Variants in GRID2 observed in about 807,000 individuals in gnomAD.
GRID2 encodes the protein glutamate ionotropic receptor delta type subunit 2, also known as glutamate receptor ionotropic, delta-2.
Under a neutral mutation model 114.8 loss-of-function variants are expected in GRID2, and 33 were observed. The ratio of observed to expected loss-of-function variants is 0.29; its 90% CI spans 0.22 to 0.38. The LOEUF is 0.38. GRID2 is among the 10% of genes least tolerant of loss of function. The pLI is 1.00. For missense variants in GRID2, 1,184 were observed against 1,257.7 expected (o/e 0.94, Z 0.89); for synonymous variants, 505 against 449.9 (o/e 1.12, Z -1.55).
chr4:93,322,837 A>G (rs1560497922), intron 8 of GRID2, among the ~76,000 whole-genome samples: 5 of 152,158 alleles, frequency 3.3e-5, no homozygotes, highest in Admixed American at 6.6e-5. Flanking sequence ...GGCTGCATAA[A>G]TGTCTTCTTT....
Position 92,593,929 on chromosome 4 carries a change from GA to G in GRID2, c.244+3653del, listed in dbSNP as rs536259659. Among the ~76,000 whole-genome samples, 347 of 137,086 alleles carry G rather than the reference GA, an allele frequency of 2.5e-3. 1 individual carries two copies. Among genetic ancestry groups the G allele is most frequent in the African/African-American group, 8.4e-3 (313 of 37,250 alleles). 89.9% of individuals were successfully genotyped at this position (137,086 alleles called of 152,430 possible). Reference sequence around the variant, plus strand: ...CTCCGTAAAAAGATAAATACAAAAAGAAAAAAAAAACGTATATGGGTTATTT... The same window carrying G: ...CTCCGTAAAAAGATAAATACAAAAAGAAAAAAAAACGTATATGGGTTATTT... On this transcript the variant is annotated intron_variant, in intron 2 of 15. Transcript: ENST00000282020.
At chr4:93,733,085 A>T (rs1475931307) in intron 14 of GRID2, among the ~76,000 whole-genome samples, 1 of 152,138 alleles carries the variant, frequency 6.6e-6, no homozygotes, top group Non-Finnish European at 1.5e-5. Context: ...TAAGAATTTG[A>T]TAATTTTTAT....
At chr4:93,624,069 AATTT>A (rs754880950) in intron 13 of GRID2, among the ~76,000 whole-genome samples, 23 of 152,148 alleles carry the variant, frequency 1.5e-4, no homozygotes, top group Admixed American at 2.6e-4. Context: ...AGCTCCTACT[AATTT>A]ATTGTTAAAT....
At chr4:93,416,268 T>G (rs1767698421) in intron 9 of GRID2, among the ~76,000 whole-genome samples, 1 of 151,982 alleles carries the variant, frequency 6.6e-6, no homozygotes, top group South Asian at 2.1e-4. Context: ...TAAAAAAAAG[T>G]GAGGTTTTTC....
chr4:92,475,686 A>G (rs574274211), intron 1 of GRID2, among the ~76,000 whole-genome samples: 2 of 151,956 alleles, frequency 1.3e-5, no homozygotes, highest in African/African-American at 4.8e-5. Flanking sequence ...GAATTTTAGG[A>G]TTATTTTTTA....
At chr4:93,340,836 T>C (rs1374642047) in intron 8 of GRID2, among the ~76,000 whole-genome samples, 1 of 152,122 alleles carries the variant, frequency 6.6e-6, no homozygotes, top group Non-Finnish European at 1.5e-5. Flanking sequence ...GGCAGCAACA[T>C]GGGGAAAGAG....
chr4:92,806,166 GACACACACAC>G lies in GRID2; in HGVS notation c.244+215917_244+215926del, dbSNP rs56070810. 7.6e-3 allele frequency among the ~76,000 whole-genome samples: 1,009 copies of G among 133,328 alleles called. 8 individuals are homozygous for G. Among genetic ancestry groups the G allele is most frequent in the African/African-American group, 0.018 (652 of 36,370 alleles). 87.5% of individuals were successfully genotyped at this position (133,328 alleles called of 152,430 possible). A position where few individuals can be genotyped will look rare whatever the true frequency, so the allele number is the denominator to read the frequency against. On this transcript the variant is annotated intron_variant, in intron 2 of 15. Coordinates refer to ENST00000282020, the MANE Select transcript of GRID2 (RefSeq NM_001510.4). ...CAAATCTATTAGAAAATAGGCTATCGACACACACACACACACACACACACACACACACACA... is the reference window on the plus strand; with the variant it reads ...CAAATCTATTAGAAAATAGGCTATCGACACACACACACACACACACACACA...
At chr4:92,515,909 A>G (rs1260606755) in intron 1 of GRID2, among the ~76,000 whole-genome samples, 1 of 151,964 alleles carries the variant, frequency 6.6e-6, no homozygotes, top group African/African-American at 2.4e-5. Flanking sequence ...ACATTTTTAC[A>G]TAGAAAGTAG....
At chr4:92,982,847 A>G (rs532262104) in intron 2 of GRID2, among the ~76,000 whole-genome samples, 71 of 152,142 alleles carry the variant, frequency 4.7e-4, no homozygotes, top group Non-Finnish European at 5.3e-4. Context: ...TACTTTTTTA[A>G]TTTAACAAAC....
chr4:92,954,240 T>C (rs1752229186), intron 2 of GRID2, among the ~76,000 whole-genome samples: 1 of 151,962 alleles, frequency 6.6e-6, no homozygotes, highest in Non-Finnish European at 1.5e-5. Flanking sequence ...CACACATATA[T>C]ATATACAAAC....
intron 8 of GRID2, chr4:93,302,538 A>C (rs894151004): frequency 1.5e-5 from 7 of 454,736 alleles, no homozygotes; most frequent in African/African-American, 1.4e-4. Flanking sequence ...AATTTGTGTA[A>C]TACACATACA....
intron 4 of GRID2, among the ~76,000 whole-genome samples, chr4:93,130,913 T>C (rs1370694239): frequency 6.6e-6 from 1 of 152,168 alleles, no homozygotes; most frequent in East Asian, 1.9e-4. Context: ...CCAGAACGAC[T>C]GAAACAGTTC....
intron 4 of GRID2, among the ~76,000 whole-genome samples, chr4:93,139,439 G>C (rs950739320): frequency 1.3e-5 from 2 of 152,168 alleles, no homozygotes. Context: ...AGGAAACCAG[G>C]GGGGATGATG....
intron 14 of GRID2, among the ~76,000 whole-genome samples, chr4:93,741,068 T>C (rs1731321475): frequency 6.7e-6 from 1 of 150,186 alleles, no homozygotes; most frequent in African/African-American, 2.5e-5. Flanking sequence ...TTAAGGCTGG[T>C]TTCAGTTCCT....
chr4:92,567,935 TAATAA>T (rs1187161935), intron 1 of GRID2, among the ~76,000 whole-genome samples: 1 of 151,746 alleles, frequency 6.6e-6, no homozygotes, highest in Non-Finnish European at 1.5e-5. Context: ...GAGAAGGAAA[TAATAA>T]ACAAGAGATA....
At chr4:92,791,158 T>A (rs1454162558) in intron 2 of GRID2, among the ~76,000 whole-genome samples, 4 of 151,814 alleles carry the variant, frequency 2.6e-5, no homozygotes, top group African/African-American at 9.7e-5. Flanking sequence ...TCCAGCTTAC[T>A]AATGAAATAC....
chr4:93,768,100 G>A (rs113816284), intron 14 of GRID2, among the ~76,000 whole-genome samples: 133 of 152,170 alleles, frequency 8.7e-4, no homozygotes, highest in African/African-American at 3.0e-3. Flanking sequence ...GTATACACCC[G>A]AGCTCACTCA....
intron 2 of GRID2, among the ~76,000 whole-genome samples, chr4:92,764,089 G>T (rs974048616): frequency 6.6e-6 from 1 of 152,094 alleles, no homozygotes; most frequent in African/African-American, 2.4e-5. Context: ...GGTCTAAGAT[G>T]GTTGTCTGTG....
intron 8 of GRID2, among the ~76,000 whole-genome samples, chr4:93,314,327 A>AAG (rs1553906989): frequency 3.8e-5 from 5 of 130,524 alleles, no homozygotes; most frequent in Non-Finnish European, 6.6e-5. Flanking sequence ...AAAAAAAAAA[A>AAG]AAGAAGAAGA....
Sources: gnomAD v4.1 joint callset for allele counts (sites outside exome capture counted in the v4.1 genomes callset) on GRCh38, gnomAD v4.1.1 for gene constraint, MANE v1.5 for transcripts, NCBI Gene and HGNC (gene_info 2026-07-23, HGNC 2026-07-21) for gene names.